Variants in RAB28 observed in about 807,000 individuals in gnomAD.
RAB28 encodes ras-related protein Rab-28.
A neutral mutation model predicts 31.7 loss-of-function variants in RAB28; 24 were observed. That is an observed-to-expected ratio of 0.76 (90% CI 0.55 to 1.06). The LOEUF (loss-of-function observed/expected upper bound fraction) is 1.06. Ranked by LOEUF, RAB28 falls within the 50% of genes least tolerant of loss-of-function variation. RAB28 has a pLI of 0.00. For synonymous variants in RAB28, 100 were observed against 90.4 expected (o/e 1.11, Z -0.60); for missense variants, 254 against 258.5 (o/e 0.98, Z 0.12).
intron 3 of RAB28, among the ~76,000 whole-genome samples, chr4:13,465,036 G>A (rs914740703): frequency 2.0e-5 from 3 of 151,980 alleles, no homozygotes; most frequent in African/African-American, 7.2e-5. Flanking sequence ...TGGGTACATT[G>A]CTGGACACGG....
chr4:13,457,917 CACAA>C (rs1715383730), intron 4 of RAB28, among the ~76,000 whole-genome samples: 2 of 152,152 alleles, frequency 1.3e-5, no homozygotes, highest in Admixed American at 6.5e-5. Context: ...ACGCCTCTCC[CACAA>C]ACACTCTATA....
At chr4:13,435,055 A>G (rs1714022897) in intron 4 of RAB28, among the ~76,000 whole-genome samples, 2 of 151,468 alleles carry the variant, frequency 1.3e-5, no homozygotes, top group African/African-American at 4.8e-5. Context: ...AAGAAAAAAG[A>G]AAACAATACA....
At position 13,484,330 on chromosome 4, in the gene RAB28, C is replaced by T. The variant is rs1378092347; in HGVS notation, c.-180G>A. 3.5e-6 allele frequency: 2 copies of T among 571,774 alleles called. No homozygotes were observed. The highest frequency in any genetic ancestry group is 1.9e-5 in the South Asian group (1 of 52,330). The allele number at this position is 571,774 out of a possible 1,614,324, so 35.4% of individuals were successfully genotyped here. ...GGCAAGCGCCATCTTGCCCACCTCCCCGCCCTCTGCGCGCGGCCCCGCCCC... is the reference window on the plus strand; with the variant it reads ...GGCAAGCGCCATCTTGCCCACCTCCTCGCCCTCTGCGCGCGGCCCCGCCCC... On this transcript the variant is annotated 5_prime_UTR_variant, in exon 1 of 7. Coordinates refer to ENST00000330852, the MANE Select transcript of RAB28 (RefSeq NM_001017979.3).
At chr4:13,478,440 T>A (rs1393552231) in intron 2 of RAB28, among the ~76,000 whole-genome samples, 2 of 151,476 alleles carry the variant, frequency 1.3e-5, no homozygotes, top group Non-Finnish European at 3.0e-5. Context: ...GAAGAATACC[T>A]CCATTACCAA....
At chr4:13,447,877 G>C (rs1163166398) in intron 4 of RAB28, among the ~76,000 whole-genome samples, 1 of 152,070 alleles carries the variant, frequency 6.6e-6, no homozygotes, top group Non-Finnish European at 1.5e-5. Flanking sequence ...TACAAATGAA[G>C]TTAAAATTAA....
intron 3 of RAB28, among the ~76,000 whole-genome samples, chr4:13,469,393 G>A (rs946275364): frequency 3.3e-5 from 5 of 151,490 alleles, no homozygotes; most frequent in African/African-American, 1.2e-4. Flanking sequence ...CTCAATTTAC[G>A]TTCCAGCTGC....
intron 4 of RAB28, among the ~76,000 whole-genome samples, chr4:13,404,767 A>C (rs1711975886): frequency 6.6e-6 from 1 of 152,162 alleles, no homozygotes. Flanking sequence ...TATACCAATC[A>C]ACTCTGATGT....
chr4:13,368,585 A>C lies in RAB28; in HGVS notation c.639T>G (p.Pro213=), dbSNP rs1338923039. The C allele has an allele frequency of 1.2e-6, 2 of 1,612,334 alleles. No individual in the cohort carries two copies. The highest frequency in any genetic ancestry group is 1.7e-6 in the Non-Finnish European group (2 of 1,179,084). Residue 213 remains proline (P), a synonymous_variant, in exon 7 of 7, where the codon CCT becomes CCG. Coordinates refer to ENST00000330852, the MANE Select transcript of RAB28 (RefSeq NM_001017979.3). ...ACTGAACTGCACACATAGAGCTTCT[A>C]GGAGGGTTAACAGTCCTTGACATAG... ...QEPMSRTVNP[P]RSSMCAVQ is the part of the protein sequence containing the mutation.
intron 4 of RAB28, among the ~76,000 whole-genome samples, chr4:13,459,267 T>C (rs1715464591): frequency 6.6e-6 from 1 of 152,200 alleles, no homozygotes; most frequent in Non-Finnish European, 1.5e-5. Flanking sequence ...GATCCACTAC[T>C]GGTTTCCTTG....
In RAB28 at chr4:13,443,972, T is replaced by A. The variant is rs571049559; in HGVS notation, c.391+16727A>T. On this transcript the variant is annotated intron_variant, in intron 4 of 6. Transcript: ENST00000330852. ...TGTGCCTGGCTTATTTTACTTAGCA[T>A]AATGTTCTCCAAGTTCATCCATGTT... Among the ~76,000 whole-genome samples the A allele has an allele frequency of 2.6e-4, 39 of 152,192 alleles. No individual in the cohort carries two copies. The South Asian group carries it at 8.1e-3, about 32-fold the overall frequency.
chr4:13,475,021 ACGT>A (rs1560147210), intron 2 of RAB28, among the ~76,000 whole-genome samples: 2 of 151,640 alleles, frequency 1.3e-5, no homozygotes, highest in Non-Finnish European at 3.0e-5. Context: ...TTCAGAACAA[ACGT>A]AGGATACATA....
chr4:13,372,433 C>T (rs1473714861), intron 6 of RAB28, among the ~76,000 whole-genome samples: 2 of 152,046 alleles, frequency 1.3e-5, no homozygotes, highest in East Asian at 1.9e-4. Context: ...CTTCTGTCTT[C>T]GCAATTTCCT....
rs940920082 is a variant in RAB28, at chr4:13,427,199, T to C, written c.391+33500A>G. On this transcript the variant is annotated intron_variant, in intron 4 of 6. Transcript: ENST00000330852. ...AAAAGGTGGGTAGGTGAAATCTATA[T>C]TGTATTTGATATGAACATTCTGAAG... 3.9e-5 allele frequency among the ~76,000 whole-genome samples: 6 copies of C among 152,342 alleles called. No individual in the cohort carries two copies. In the East Asian group the frequency reaches 9.6e-4, roughly 24 times the overall value.
chr4:13,474,270 G>A, intron 3 of RAB28, 48 bp downstream of exon 3: 1 of 1,252,796 alleles, frequency 8.0e-7, no homozygotes, highest in Non-Finnish European at 1.2e-6. Flanking sequence ...ATGTGTGCTT[G>A]TAAGTGGTAT....
intron 3 of RAB28, among the ~76,000 whole-genome samples, chr4:13,465,179 A>T (rs1715780280): frequency 6.6e-6 from 1 of 152,016 alleles, no homozygotes; most frequent in Admixed American, 6.6e-5. Context: ...GGTACATCAT[A>T]CGCACAGCTG....
At chr4:13,385,212 C>CA (rs1216444307) in intron 4 of RAB28, among the ~76,000 whole-genome samples, 5 of 152,064 alleles carry the variant, frequency 3.3e-5, no homozygotes, top group Admixed American at 1.3e-4. Context: ...ATAAAGAGAA[C>CA]AAATCCACAA....
intron 3 of RAB28, 114 bp downstream of exon 3, chr4:13,474,204 A>G (rs1716245784): frequency 1.3e-6 from 1 of 792,990 alleles, no homozygotes; most frequent in African/African-American, 1.7e-5. Flanking sequence ...CTCTCTACGT[A>G]TCAGATAAAA....
chr4:13,413,158 T>C (rs1453509717), intron 4 of RAB28, among the ~76,000 whole-genome samples: 2 of 152,160 alleles, frequency 1.3e-5, no homozygotes, highest in Non-Finnish European at 2.9e-5. Flanking sequence ...AAGGTATATG[T>C]TATCCATCAA....
rs140173706 is a variant in RAB28 at position 13,466,036 on chromosome 4, G to A, written c.262-5208C>T. On this transcript the variant is annotated intron_variant, in intron 3 of 6. Coordinates refer to ENST00000330852, the MANE Select transcript of RAB28 (RefSeq NM_001017979.3). ...GATATCCACATGCAGAACAAAATTG[G>A]ACCCTTATCTCACAACATATACAAA... Among the ~76,000 whole-genome samples the A allele has an allele frequency of 3.5e-3, 527 of 151,874 alleles. 4 individuals are homozygous for A. The highest frequency in any genetic ancestry group is 0.012 in the African/African-American group (486 of 41,446).
Sources: gnomAD v4.1 joint callset for allele counts (sites outside exome capture counted in the v4.1 genomes callset) on GRCh38, gnomAD v4.1.1 for gene constraint, MANE v1.5 for transcripts, NCBI Gene and HGNC (gene_info 2026-07-23, HGNC 2026-07-21) for gene names.